The following SOX5 variants were observed in gnomAD, a reference collection of about 807,000 sequenced individuals.
SOX5 encodes transcription factor SOX-5.
SOX5 carries 9 observed loss-of-function variants against 92.0 expected under a neutral mutation model. The observed-to-expected ratio is 0.10, with a 90% CI of 0.06 to 0.17. The LOEUF is 0.17. Ranked by LOEUF, SOX5 falls within the 10% of genes least tolerant of loss-of-function variation. SOX5 has a pLI of 1.00. For synonymous variants in SOX5, 344 were observed against 336.3 expected (o/e 1.02, Z -0.25); for missense variants, 642 against 944.5 (o/e 0.68, Z 4.20).
At chr12:24,401,708 T>TA (rs71063321) in intron 1 of SOX5, among the ~76,000 whole-genome samples, 4,669 of 99,180 alleles carry the variant, frequency 0.047, 163 homozygotes, top group African/African-American at 0.071. Context: ...ACCCTATCTT[T>TA]AAAAAAAAAA....
intron 1 of SOX5, among the ~76,000 whole-genome samples, chr12:24,463,684 A>G (rs540534046): frequency 1.2e-4 from 19 of 152,212 alleles, no homozygotes; most frequent in Admixed American, 5.2e-4. Context: ...TTCAGAGATT[A>G]TAGGGAGAGC....
intron 4 of SOX5, among the ~76,000 whole-genome samples, chr12:23,974,302 T>C (rs1037898040): frequency 5.3e-5 from 8 of 152,228 alleles, no homozygotes; most frequent in Non-Finnish European, 1.0e-4. Context: ...ATCTCTTTGC[T>C]ATTTTGAATA....
chr12:23,717,766 T>G (rs772019853), intron 6 of SOX5, among the ~76,000 whole-genome samples: 1 of 152,212 alleles, frequency 6.6e-6, no homozygotes, highest in African/African-American at 2.4e-5. Flanking sequence ...TGAGTACTAA[T>G]AAAGTAAATA....
intron 6 of SOX5, among the ~76,000 whole-genome samples, chr12:23,731,964 G>A: frequency 6.6e-6 from 1 of 152,050 alleles, no homozygotes; most frequent in East Asian, 1.9e-4. Flanking sequence ...TCAAGGCACT[G>A]TATTTAAAAA....
At chr12:24,139,807 G>A (rs566939425) in intron 4 of SOX5, among the ~76,000 whole-genome samples, 1 of 152,174 alleles carries the variant, frequency 6.6e-6, no homozygotes, top group Non-Finnish European at 1.5e-5. Flanking sequence ...GTGTTAAGAA[G>A]TTAGCTCTAA....
intron 2 of SOX5, among the ~76,000 whole-genome samples, chr12:24,352,825 C>T (rs984762134): frequency 8.5e-5 from 13 of 152,136 alleles, no homozygotes; most frequent in African/African-American, 3.1e-4. Context: ...ATGCTTCAGC[C>T]TAGAATTGCA....
intron 3 of SOX5, among the ~76,000 whole-genome samples, chr12:23,757,643 A>G (rs547249136): frequency 6.6e-6 from 1 of 152,004 alleles, no homozygotes; most frequent in Admixed American, 6.6e-5. Context: ...TATTTGCAAT[A>G]GAGTACTGTC....
chr12:24,269,401 A>G (rs1179940069), intron 3 of SOX5, among the ~76,000 whole-genome samples: 3 of 152,216 alleles, frequency 2.0e-5, no homozygotes, highest in Non-Finnish European at 4.4e-5. Context: ...CACCAATGGT[A>G]TAACTAATCA....
chr12:24,067,923 T>C (rs1028035678), intron 4 of SOX5, among the ~76,000 whole-genome samples: 4 of 152,176 alleles, frequency 2.6e-5, no homozygotes, highest in Non-Finnish European at 4.4e-5. Flanking sequence ...GGCGGGCGGA[T>C]TGCCTGAGCT....
chr12:24,386,430 T>C (rs1383939582), intron 1 of SOX5, among the ~76,000 whole-genome samples: 1 of 152,174 alleles, frequency 6.6e-6, no homozygotes, highest in East Asian at 1.9e-4. Flanking sequence ...GTGTAATTAA[T>C]ACTATTATCA....
intron 5 of SOX5, among the ~76,000 whole-genome samples, chr12:23,740,592 C>G (rs929298997): frequency 6.6e-6 from 1 of 152,084 alleles, no homozygotes; most frequent in Non-Finnish European, 1.5e-5. Flanking sequence ...CTCCATGGTT[C>G]TTTTTTGGTA....
intron 3 of SOX5, among the ~76,000 whole-genome samples, chr12:24,264,671 G>T (rs1942748988): frequency 6.6e-6 from 1 of 152,126 alleles, no homozygotes; most frequent in Admixed American, 6.5e-5. Flanking sequence ...GTGGGGAAAA[G>T]GTGGAAATGC....
chr12:24,303,480 T>C (rs778707302), intron 2 of SOX5, among the ~76,000 whole-genome samples: 13 of 152,206 alleles, frequency 8.5e-5, no homozygotes, highest in Non-Finnish European at 1.9e-4. Context: ...TCTATTTATA[T>C]AGCACAGTAT....
intron 1 of SOX5, among the ~76,000 whole-genome samples, chr12:24,369,679 A>G (rs1406527408): frequency 6.6e-6 from 1 of 152,232 alleles, no homozygotes; most frequent in African/African-American, 2.4e-5. Context: ...CTTTCAATGC[A>G]TTCTGAGTCT....
At chr12:24,439,544 G>T (rs917944909) in intron 1 of SOX5, among the ~76,000 whole-genome samples, 1 of 152,142 alleles carries the variant, frequency 6.6e-6, no homozygotes, top group African/African-American at 2.4e-5. Flanking sequence ...TAAACTATGT[G>T]TATAGGCCTA....
rs143191858 is a variant in SOX5 at position 23,963,563 on chromosome 12, A to C, written c.-1-67539T>G. On this transcript the variant is annotated intron_variant, in intron 4 of 4. Transcript: ENST00000446891. ...GGAGGACTAGGCAGGTTAATTTAAC[A>C]ACCTGACTTTAGAGAGCATTCAGGG... Among the ~76,000 whole-genome samples the C allele has an allele frequency of 3.3e-4, 50 of 152,290 alleles. No homozygotes were observed. The East Asian group carries it at 5.6e-3, about 17-fold the overall frequency.
At chr12:23,941,557 C>T (rs1249428532) in intron 1 of SOX5, among the ~76,000 whole-genome samples, 1 of 151,530 alleles carries the variant, frequency 6.6e-6, no homozygotes, top group African/African-American at 2.4e-5. Flanking sequence ...GTTCTACTCT[C>T]AGGAATAGCA....
At chr12:24,280,044 G>T (rs555079502) in intron 2 of SOX5, among the ~76,000 whole-genome samples, 1 of 152,118 alleles carries the variant, frequency 6.6e-6, no homozygotes, top group African/African-American at 2.4e-5. Context: ...TCCCACTAGG[G>T]ACTGTGAATC....
intron 11 of SOX5, among the ~76,000 whole-genome samples, chr12:23,560,585 G>A (rs887975498): frequency 6.6e-6 from 1 of 152,186 alleles, no homozygotes; most frequent in Non-Finnish European, 1.5e-5. Context: ...ATGAGTAGCA[G>A]TCAGATAATA....
Sources: allele counts gnomAD v4.1 joint callset (sites outside exome capture counted in the v4.1 genomes callset), GRCh38; gene constraint gnomAD v4.1.1; transcripts MANE v1.5; gene names NCBI Gene and HGNC (gene_info 2026-07-23, HGNC 2026-07-21).